USB1: variants seen among roughly 807,000 people sequenced by gnomAD.
The protein encoded by USB1 is U6 snRNA biogenesis phosphodiesterase 1.
A neutral mutation model predicts 29.9 loss-of-function variants in USB1; 21 were observed. The ratio of observed to expected loss-of-function variants is 0.70; its 90% CI spans 0.50 to 1.01. The LOEUF (loss-of-function observed/expected upper bound fraction) is 1.01. USB1 is among the 50% of genes least tolerant of loss of function. USB1 has a pLI of 0.00. For missense variants in USB1, 330 were observed against 347.1 expected (o/e 0.95, Z 0.39); for synonymous variants, 143 against 134.9 (o/e 1.06, Z -0.42).
At chr16:58,009,491 G>A (rs957758067) in intron 2 of USB1, among the ~76,000 whole-genome samples, 16 of 152,120 alleles carry the variant, frequency 1.1e-4, no homozygotes, top group East Asian at 5.8e-4. Context: ...AGGCCGAGGC[G>A]GGCGGATCAC....
rs772792606 is a variant in USB1, at chr16:58,001,557, G to A, written c.74G>A (p.Arg25Lys). Residue 25 changes from arginine (R) to lysine (K), a missense_variant, in exon 1 of 7, where the codon AGG becomes AAG. Physicochemically the swap from Arg to Lys is conservative, Grantham distance 26. Transcript: ENST00000219281. ...EDESEDGMRT[R>K]PGDGSHRRGQ... ...GAGTCCGAGGACGGGATGCGGACCA[G>A]GCCGGGGGATGGGAGCCACCGTCGG... The A allele has an allele frequency of 6.8e-6, 11 of 1,609,140 alleles. No homozygotes were observed. Among genetic ancestry groups the A allele is most frequent in the Non-Finnish European group, 9.3e-6 (11 of 1,178,322 alleles).
chr16:58,020,432 C>T lies in USB1; in HGVS notation c.*187C>T, dbSNP rs1487934512. The T allele has an allele frequency of 6.3e-6, 4 of 638,936 alleles. No individual in the cohort carries two copies. Among genetic ancestry groups the T allele is most frequent in the Non-Finnish European group, 1.1e-5 (4 of 353,974 alleles). 39.6% of individuals were successfully genotyped at this position (638,936 alleles called of 1,614,324 possible). ...ATATTCTCTCTCTCTCTTTCTCTTC[C>T]TCTTCTTTCTCTCTCTTCTCCTCTC... On this transcript the variant is annotated 3_prime_UTR_variant, in exon 7 of 7. Coordinates refer to ENST00000219281, the MANE Select transcript of USB1 (RefSeq NM_024598.4).
chr16:58,008,917 A>G (rs1963426015), intron 2 of USB1, among the ~76,000 whole-genome samples: 1 of 152,158 alleles, frequency 6.6e-6, no homozygotes, highest in Non-Finnish European at 1.5e-5. Flanking sequence ...GTTATTTAGA[A>G]GTGTGTTTTT....
upstream of USB1, chr16:57,999,623 G>T (rs779832739): frequency 6.6e-6 from 1 of 152,254 alleles, no homozygotes; most frequent in Non-Finnish European, 1.5e-5. Flanking sequence ...CTGAGCAGAG[G>T]AAGAAGGAAG....
At chr16:58,007,084 T>C in intron 2 of USB1, among the ~76,000 whole-genome samples, 1 of 152,258 alleles carries the variant, frequency 6.6e-6, no homozygotes, top group South Asian at 2.1e-4. Context: ...TGTGGAGCAT[T>C]ATTCTCTTTA....
intron 3 of USB1, chr16:58,010,868 C>T: frequency 6.3e-6 from 4 of 631,088 alleles, no homozygotes; most frequent in Middle Eastern, 4.2e-4. Context: ...GCTCCTCAAA[C>T]CCTGTAGTTC....
In USB1 at chr16:58,013,727, C is replaced by A; in HGVS notation, c.450-546C>A. 1 of 631,962 alleles carries A rather than the reference C, an allele frequency of 1.6e-6. No homozygotes were observed. Among genetic ancestry groups the A allele is most frequent in the Non-Finnish European group, 2.0e-6 (1 of 504,978 alleles). The allele number at this position is 631,962 out of a possible 1,614,324, so 39.1% of individuals were successfully genotyped here. ...ACTGACTGTTCCAATCCTGGCTCAC[C>A]AAATTCAGCTTCACCATGCCTCTGT... On this transcript the variant is annotated intron_variant, in intron 3 of 6. Coordinates refer to ENST00000219281, the MANE Select transcript of USB1 (RefSeq NM_024598.4). The surrounding 1 kb of genome is among the most constrained non-coding windows in gnomAD (Gnocchi z 4.3).
intron 2 of USB1, among the ~76,000 whole-genome samples, chr16:58,006,876 T>A (rs1308869076): frequency 6.6e-6 from 1 of 152,230 alleles, no homozygotes; most frequent in Non-Finnish European, 1.5e-5. Flanking sequence ...TCTATCAAGT[T>A]AACAAAGTTC....
chr16:58,008,453 C>CTTTT (rs56262437), intron 2 of USB1, among the ~76,000 whole-genome samples: 12 of 115,178 alleles, frequency 1.0e-4, no homozygotes, highest in Non-Finnish European at 1.1e-4. Context: ...TTTTCTTTTT[C>CTTTT]TTTTTTTTTT....
At chr16:58,000,179 G>A (rs1963133345), upstream of USB1, among the ~76,000 whole-genome samples, 1 of 152,140 alleles carries the variant, frequency 6.6e-6, no homozygotes, top group Non-Finnish European at 1.5e-5. The surrounding 1 kb of genome is among the most constrained non-coding windows in gnomAD (Gnocchi z 4.5). Flanking sequence ...TGCGACCCGA[G>A]GGCGAGCCCC....
chr16:58,014,766 G>C (rs1419568651), intron 4 of USB1, among the ~76,000 whole-genome samples: 1 of 151,566 alleles, frequency 6.6e-6, no homozygotes, highest in African/African-American at 2.4e-5. Context: ...CTGGGCAACA[G>C]AGTGAGACCC....
intron 2 of USB1, among the ~76,000 whole-genome samples, chr16:58,006,293 A>G (rs552862542): frequency 4.7e-5 from 7 of 149,604 alleles, no homozygotes; most frequent in African/African-American, 1.7e-4. Flanking sequence ...CAATGGTTGC[A>G]GTGAGCCAAG....
intron 3 of USB1, chr16:58,010,777 A>G: frequency 1.8e-6 from 1 of 547,574 alleles, no homozygotes; most frequent in Non-Finnish European, 3.3e-6. Flanking sequence ...AAGGGTCCCG[A>G]GCATGGGAGC....
In USB1 at chr16:58,013,187, G is replaced by A; in HGVS notation, c.450-1086G>A. 2.0e-6 allele frequency: 2 copies of A among 985,498 alleles called. No homozygotes were observed. The highest frequency in any genetic ancestry group is 2.4e-6 in the Non-Finnish European group (2 of 829,996). 61.0% of individuals were successfully genotyped at this position (985,498 alleles called of 1,614,324 possible). On this transcript the variant is annotated intron_variant, in intron 3 of 6. Transcript: ENST00000219281. This position sits in a 1 kb window ranked among gnomAD's most constrained non-coding sequence, Gnocchi z 4.3. ...CTGGGCAGCCTGCCTCTGGAGTAGG[G>A]GTGGAGAGCCATCCTGCAACACGAG...
rs1434006416 is a variant in USB1 at position 58,012,100 on chromosome 16, G to A, written c.449+1988G>A. On this transcript the variant is annotated intron_variant, in intron 3 of 6. Transcript: ENST00000219281. Reference sequence around the variant, plus strand: ...ATTCCCACAGTTCAGGGGGCCATAGGCCCAGGAATTCCATAGGATGTCACT... The same window carrying A: ...ATTCCCACAGTTCAGGGGGCCATAGACCCAGGAATTCCATAGGATGTCACT... 1.0e-5 allele frequency: 14 copies of A among 1,389,646 alleles called. No individual in the cohort carries two copies. The East Asian group carries it at 2.9e-4, about 28-fold the overall frequency. The allele number at this position is 1,389,646 out of a possible 1,614,324, so 86.1% of individuals were successfully genotyped here. A position where few individuals can be genotyped will look rare whatever the true frequency, so the allele number is the denominator to read the frequency against.
intron 4 of USB1, chr16:58,016,944 C>T (rs1454265037): frequency 2.2e-5 from 7 of 311,438 alleles, no homozygotes; most frequent in East Asian, 8.0e-5. Context: ...TTGTGGGAGG[C>T]GTGGCAGATG....
chr16:58,017,626 C>G (rs1963647723), intron 5 of USB1, among the ~76,000 whole-genome samples, 187 bp downstream of exon 5: 1 of 152,196 alleles, frequency 6.6e-6, no homozygotes, highest in Non-Finnish European at 1.5e-5. Context: ...TCAGATGCAG[C>G]CCACCCAAAG....
chr16:58,013,727 C>T lies in USB1; in HGVS notation c.450-546C>T. On this transcript the variant is annotated intron_variant, in intron 3 of 6. Transcript: ENST00000219281. This position sits in a 1 kb window ranked among gnomAD's most constrained non-coding sequence, Gnocchi z 4.3. ...ACTGACTGTTCCAATCCTGGCTCAC[C>T]AAATTCAGCTTCACCATGCCTCTGT... 1 of 631,964 alleles carries T rather than the reference C, an allele frequency of 1.6e-6. No homozygotes were observed. Among genetic ancestry groups the T allele is most frequent in the South Asian group, 6.7e-5 (1 of 14,986 alleles). 39.1% of individuals were successfully genotyped at this position (631,964 alleles called of 1,614,324 possible). A position where few individuals can be genotyped will look rare whatever the true frequency, so the allele number is the denominator to read the frequency against.
rs1488190403 is a variant in USB1 at position 58,012,230 on chromosome 16, T to C, written c.450-2043T>C. On this transcript the variant is annotated intron_variant, in intron 3 of 6. Transcript: ENST00000219281. The stretch of plus-strand genomic sequence containing the variant: ...TCGGCCAGGGAATAAGGGCTGAAAC[T>C]CATCTCTCAACCTAGTCCAGCCCTC... The C allele has an allele frequency of 3.3e-6, 5 of 1,525,900 alleles. No homozygotes were observed. In the East Asian group the frequency reaches 1.2e-4, roughly 37 times the overall value. The allele number at this position is 1,525,900 out of a possible 1,614,324, so 94.5% of individuals were successfully genotyped here.
Sources: gnomAD v4.1 joint callset for allele counts (sites outside exome capture counted in the v4.1 genomes callset) on GRCh38, gnomAD v4.1.1 for gene constraint, Gnocchi (gnomAD v3.1) non-coding constraint, MANE v1.5 for transcripts, NCBI Gene and HGNC (gene_info 2026-07-23, HGNC 2026-07-21) for gene names.